The following HELZ variants were observed in gnomAD, a reference collection of about 807,000 sequenced individuals.
HELZ encodes the protein helicase with zinc finger, also known as ATP-dependent RNA helicase with zinc finger domain.
In HELZ, 23 loss-of-function variants were observed where a neutral mutation model predicts 218.2. The observed-to-expected ratio is 0.11, with a 90% CI of 0.08 to 0.15. The LOEUF (loss-of-function observed/expected upper bound fraction) is 0.15, where lower values mean the gene tolerates loss of function less well. Ranked by LOEUF, HELZ falls within the 10% of genes least tolerant of loss-of-function variation. The pLI is 1.00. For missense variants in HELZ, 1,813 were observed against 2,353.7 expected (o/e 0.77, Z 4.75); for synonymous variants, 814 against 829.4 (o/e 0.98, Z 0.32).
intron 24 of HELZ, among the ~76,000 whole-genome samples, chr17:67,124,808 T>C (rs558772022): frequency 1.3e-5 from 2 of 152,190 alleles, no homozygotes; most frequent in Admixed American, 6.5e-5. Context: ...TAGTCTACCA[T>C]TAAAAATGAT....
chr17:67,132,790 T>C (rs946413794), intron 23 of HELZ, among the ~76,000 whole-genome samples: 10 of 152,354 alleles, frequency 6.6e-5, no homozygotes, highest in African/African-American at 2.2e-4. Context: ...AAAAAGAATA[T>C]GTAACTGATT....
intron 23 of HELZ, among the ~76,000 whole-genome samples, chr17:67,130,157 T>C (rs554879236): frequency 2.2e-4 from 33 of 152,200 alleles, no homozygotes; most frequent in African/African-American, 7.2e-4. Flanking sequence ...AAGAAATCAA[T>C]TGAGATACTG....
At chr17:67,208,442 A>G (rs2040362631) in intron 5 of HELZ, among the ~76,000 whole-genome samples, 2 of 152,172 alleles carry the variant, frequency 1.3e-5, no homozygotes, top group African/African-American at 4.8e-5. Flanking sequence ...AGAGTTATGT[A>G]AGACGTAATA....
intron 3 of HELZ, among the ~76,000 whole-genome samples, chr17:67,237,696 G>C (rs1440292386): frequency 6.6e-6 from 1 of 152,076 alleles, no homozygotes; most frequent in Admixed American, 6.6e-5. Context: ...ATTTTATTAA[G>C]AGCTGAAGCT....
chr17:67,094,322 GA>G (rs538000680), intron 31 of HELZ, among the ~76,000 whole-genome samples: 88 of 121,544 alleles, frequency 7.2e-4, no homozygotes, highest in Admixed American at 1.1e-3. Context: ...ACCTGGTCTT[GA>G]AAAAAAAAAA....
In HELZ at chr17:67,119,831, A is replaced by G. The variant is rs140498145; in HGVS notation, c.3838+574T>C. Among the ~76,000 whole-genome samples, 481 of 152,118 alleles carry G rather than the reference A, an allele frequency of 3.2e-3. 4 individuals carry two copies. The highest frequency in any genetic ancestry group is 0.011 in the African/African-American group (467 of 41,474). ...CCATTTTAAAGTACTCTAAATATTC[A>G]AATTTAATATTTTTTTCAGAAACTC... On this transcript the variant is annotated intron_variant, in intron 27 of 32. Coordinates refer to ENST00000358691, the MANE Select transcript of HELZ (RefSeq NM_014877.4).
chr17:67,150,874 A>G (rs2144047047), intron 18 of HELZ, among the ~76,000 whole-genome samples, 172 bp downstream of exon 18: 1 of 152,328 alleles, frequency 6.6e-6, no homozygotes. Context: ...CAGCCACTGT[A>G]ACACAAAAGC....
chr17:67,227,447 A>G (rs2040924228), intron 3 of HELZ, among the ~76,000 whole-genome samples: 3 of 152,120 alleles, frequency 2.0e-5, no homozygotes, highest in Admixed American at 1.3e-4. Context: ...TCGGCCTCCC[A>G]AAGTGCTGGG....
At chr17:67,131,307 A>G (rs1323710034) in intron 23 of HELZ, among the ~76,000 whole-genome samples, 2 of 152,134 alleles carry the variant, frequency 1.3e-5, no homozygotes, top group African/African-American at 2.4e-5. Context: ...CCCTGTTCCT[A>G]TATCACCCTC....
chr17:67,122,228 C>T (rs1411672383), intron 26 of HELZ, among the ~76,000 whole-genome samples: 1 of 152,000 alleles, frequency 6.6e-6, no homozygotes, highest in African/African-American at 2.4e-5. Flanking sequence ...CATGGGGAAA[C>T]CCTGTCTCTA....
At chr17:67,190,460 T>C in intron 9 of HELZ, 105 bp from the exon 10 acceptor site, 3 of 808,736 alleles carry the variant, frequency 3.7e-6, no homozygotes, top group South Asian at 3.3e-5. Context: ...CAAAACTTCA[T>C]GTGCTGAAAG....
At chr17:67,122,206 C>A (rs1018374162) in intron 26 of HELZ, among the ~76,000 whole-genome samples, 1 of 151,918 alleles carries the variant, frequency 6.6e-6, no homozygotes, top group African/African-American at 2.4e-5. Flanking sequence ...AGTTTGAGAC[C>A]AGCCTGACCA....
chr17:67,196,141 C>G (rs1435504315), intron 7 of HELZ, among the ~76,000 whole-genome samples: 1 of 152,102 alleles, frequency 6.6e-6, no homozygotes, highest in Non-Finnish European at 1.5e-5. Flanking sequence ...CGTGAGCCAC[C>G]ACGCCCGGCT....
chr17:67,097,331 A>G (rs951850064), intron 31 of HELZ, among the ~76,000 whole-genome samples: 3 of 152,318 alleles, frequency 2.0e-5, no homozygotes, highest in South Asian at 4.2e-4. Context: ...CTTGCTCAAC[A>G]TGGGGTTACC....
chr17:67,109,337 T>C lies in HELZ; in HGVS notation c.4268A>G (p.Tyr1423Cys). The C allele has an allele frequency of 1.2e-6, 2 of 1,614,142 alleles. No homozygotes were observed. Among genetic ancestry groups the C allele is most frequent in the Non-Finnish European group, 1.7e-6 (2 of 1,180,024 alleles). The change falls in exon 29 of 33, where the codon TAT (tyrosine) becomes TGT (cysteine). Residue 1423 changes from tyrosine to cysteine, a missense_variant. Tyr to Cys is a radical substitution (Grantham distance 194). Coordinates refer to ENST00000358691, the MANE Select transcript of HELZ (RefSeq NM_014877.4). ...QQPPPQLSPAYQAGPNNAFFN... is the reference protein window; with the variant it reads ...QQPPPQLSPACQAGPNNAFFN... ...AAAAGCATTGTTGGGTCCCGCCTGA[T>C]ATGCAGGAGAAAGCTGAGGAGGTGG...
At chr17:67,163,835 C>G (rs2039061061) in intron 15 of HELZ, among the ~76,000 whole-genome samples, 1 of 152,170 alleles carries the variant, frequency 6.6e-6, no homozygotes, top group Non-Finnish European at 1.5e-5. Context: ...ACCATTACAA[C>G]TAATAGTTTC....
At chr17:67,139,641 G>A (rs1251154135) in intron 21 of HELZ, among the ~76,000 whole-genome samples, 1 of 152,164 alleles carries the variant, frequency 6.6e-6, no homozygotes, top group South Asian at 2.1e-4. Flanking sequence ...ACAGATCAAA[G>A]AGGTTACAAG....
chr17:67,101,830 G>A (rs903149622), intron 31 of HELZ, among the ~76,000 whole-genome samples: 4 of 152,318 alleles, frequency 2.6e-5, no homozygotes, highest in East Asian at 3.9e-4. Flanking sequence ...CTGGCTAAAC[G>A]TCTAGAGAAA....
chr17:67,185,711 T>C (rs955012784), intron 12 of HELZ, among the ~76,000 whole-genome samples: 3 of 152,206 alleles, frequency 2.0e-5, no homozygotes, highest in African/African-American at 4.8e-5. Flanking sequence ...CTATGTGAAA[T>C]CATTTTAATG....
Sources: allele counts gnomAD v4.1 joint callset (sites outside exome capture counted in the v4.1 genomes callset), GRCh38; gene constraint gnomAD v4.1.1; transcripts MANE v1.5; gene names NCBI Gene and HGNC (gene_info 2026-07-23, HGNC 2026-07-21).